Variants in CD276 observed in about 807,000 individuals in gnomAD.
CD276 encodes the protein CD276 molecule.
In CD276, 34 loss-of-function variants were observed where a neutral mutation model predicts 50.0. The observed-to-expected ratio is 0.68, with a 90% CI of 0.52 to 0.91. The LOEUF is 0.91. CD276 is among the 40% of genes least tolerant of loss of function. The probability of loss-of-function intolerance (pLI) is 0.00; values close to 1 mark genes in which losing one functional copy is unlikely to be tolerated. For missense variants in CD276, 634 were observed against 717.5 expected, an observed-to-expected ratio of 0.88 and a Z score of 1.33; for synonymous variants, 275 against 313.0, an observed-to-expected ratio of 0.88 and a Z score of 1.28.
intron 1 of CD276, among the ~76,000 whole-genome samples, chr15:73,694,230 C>T (rs1338723864): frequency 6.6e-6 from 1 of 152,186 alleles, no homozygotes; most frequent in Non-Finnish European, 1.5e-5. Flanking sequence ...CTCTTGACAC[C>T]TTCAGCCCCT....
chr15:73,692,981 T>C (rs1178699787), intron 1 of CD276, among the ~76,000 whole-genome samples: 1 of 152,238 alleles, frequency 6.6e-6, no homozygotes, highest in Non-Finnish European at 1.5e-5. Flanking sequence ...CTTTTCTTGT[T>C]CTTCTCCAGT....
At chr15:73,691,229 G>GAA (rs112815802) in intron 1 of CD276, among the ~76,000 whole-genome samples, 4 of 139,984 alleles carry the variant, frequency 2.9e-5, no homozygotes, top group East Asian at 2.1e-4. Flanking sequence ...GCACATTTAA[G>GAA]AAAAAAAAAA....
At chr15:73,696,343 C>T (rs954073814) in intron 1 of CD276, among the ~76,000 whole-genome samples, 8 of 152,140 alleles carry the variant, frequency 5.3e-5, no homozygotes, top group Admixed American at 2.6e-4. Flanking sequence ...CCCGGGCCGA[C>T]CAGCTCTGTG....
chr15:73,689,743 C>T (rs1273084148), intron 1 of CD276, among the ~76,000 whole-genome samples: 1 of 152,154 alleles, frequency 6.6e-6, no homozygotes, highest in Admixed American at 6.5e-5. Flanking sequence ...TCTCCAACTC[C>T]AAAGTCATCT....
chr15:73,703,158 T>A (rs1042716842), intron 4 of CD276, 72 bp downstream of exon 4: 11 of 1,485,562 alleles, frequency 7.4e-6, no homozygotes, highest in African/African-American at 4.2e-5. Flanking sequence ...GAGCTCCGAA[T>A]CTGGCCCCAC....
In CD276 at chr15:73,706,256, TAAATA is replaced by T. The variant is rs763622290; in HGVS notation, c.1369+1793_1369+1797del. 4.6e-5 allele frequency among the ~76,000 whole-genome samples: 7 copies of T among 152,082 alleles called. No homozygotes were observed. In the East Asian group the frequency reaches 9.7e-4, roughly 21 times the overall value. On this transcript the variant is annotated intron_variant, in intron 6 of 9. Transcript: ENST00000318443. Reference sequence around the variant, plus strand: ...CAGAGCAAGACACTGTCTCAAAAAATAAATAAAATAAAAATAAAGTGATTTCATTG... The same window carrying T: ...CAGAGCAAGACACTGTCTCAAAAAATAAATAAAAATAAAGTGATTTCATTG...
Position 73,702,563 on chromosome 15 carries a change from G to C in CD276, c.388G>C (p.Gly130Arg). Reference sequence around the variant, plus strand: ...CTGCTTCGTGAGCATCCGGGATTTCGGCAGCGCTGCCGTCAGCCTGCAGGT... The same window carrying C: ...CTGCTTCGTGAGCATCCGGGATTTCCGCAGCGCTGCCGTCAGCCTGCAGGT... The part of the protein sequence containing the change: ...FTCFVSIRDF[G>R]SAAVSLQVAA... Residue 130 changes from glycine (G) to arginine (R), a missense_variant, in exon 3 of 10, where the codon GGC becomes CGC. By Grantham distance (125) the Gly-to-Arg change is moderately radical (BLOSUM62 -2). Transcript: ENST00000318443. 1 of 1,610,062 alleles carries C rather than the reference G, an allele frequency of 6.2e-7. No homozygotes were observed. The highest frequency in any genetic ancestry group is 8.5e-7 in the Non-Finnish European group (1 of 1,179,284).
At chr15:73,710,870 G>A (rs1459063365) in intron 8 of CD276, among the ~76,000 whole-genome samples, 1 of 152,188 alleles carries the variant, frequency 6.6e-6, no homozygotes, top group East Asian at 1.9e-4. Context: ...TCCAGCTGGA[G>A]GTGGAGGGCT....
chr15:73,685,782 G>A lies in CD276; in HGVS notation c.-55+1322G>A, dbSNP rs570385088. Among the ~76,000 whole-genome samples the A allele has an allele frequency of 5.3e-5, 8 of 152,252 alleles. No individual in the cohort carries two copies. The South Asian group carries it at 1.7e-3, about 32-fold the overall frequency. On this transcript the variant is annotated intron_variant, in intron 1 of 9. Coordinates refer to ENST00000318443, the MANE Select transcript of CD276 (RefSeq NM_001024736.2). Reference sequence around the variant, plus strand: ...TTGTAGTGTGGGGGACTGCAAATAGGTGGGACAGTTTGAGGCTGAGGGGAA... The same window carrying A: ...TTGTAGTGTGGGGGACTGCAAATAGATGGGACAGTTTGAGGCTGAGGGGAA...
rs770849205 is a variant in CD276 at position 73,699,721 on chromosome 15, G to A, written c.79+3G>A. 1.3e-6 allele frequency: 2 copies of A among 1,593,728 alleles called. No homozygotes were observed. Among genetic ancestry groups the A allele is most frequent in the South Asian group, 1.1e-5 (1 of 88,430 alleles). ...AGCACTGTGGTTCTGCCTCACAGGTGAGGGTAGCAGCATGGGGACGGGAGG... is the reference window on the plus strand; with the variant it reads ...AGCACTGTGGTTCTGCCTCACAGGTAAGGGTAGCAGCATGGGGACGGGAGG... On this transcript the variant is annotated splice_donor_region_variant and intron_variant, in intron 2 of 9. Coordinates refer to ENST00000318443, the MANE Select transcript of CD276 (RefSeq NM_001024736.2).
At chr15:73,698,238 C>T (rs1347389286) in intron 1 of CD276, among the ~76,000 whole-genome samples, 2 of 152,244 alleles carry the variant, frequency 1.3e-5, no homozygotes, top group Non-Finnish European at 2.9e-5. Flanking sequence ...TCACTCAATA[C>T]AGATGTGTTA....
chr15:73,710,558 A>G (rs553109478), intron 8 of CD276, among the ~76,000 whole-genome samples: 36 of 152,212 alleles, frequency 2.4e-4, no homozygotes, highest in South Asian at 1.5e-3. Context: ...TTCCCTCCCC[A>G]CCCCCGCAGA....
At chr15:73,689,431 G>C (rs1899903235) in intron 1 of CD276, among the ~76,000 whole-genome samples, 1 of 152,090 alleles carries the variant, frequency 6.6e-6, no homozygotes, top group African/African-American at 2.4e-5. Context: ...CCAGTGGACA[G>C]CCTTGAACAT....
In CD276 at chr15:73,703,669, G is replaced by A; in HGVS notation, c.744G>A (p.Glu248=). The change falls in exon 5 of 10, where the codon GAG becomes GAA. Residue 248 remains glutamate (E), a synonymous_variant. Coordinates refer to ENST00000318443, the MANE Select transcript of CD276 (RefSeq NM_001024736.2). ...TGACCCCGCCCCCAGGAGCCGTGGA[G>A]GTCCAGGTCCCTGAGGACCCGGTGG... ...TPQRSPTGAV[E]VQVPEDPVVA... is the part of the protein sequence containing the mutation. 6.2e-7 allele frequency: 1 copy of A among 1,609,496 alleles called. No homozygotes were observed. Among genetic ancestry groups the A allele is most frequent in the Non-Finnish European group, 8.5e-7 (1 of 1,177,596 alleles).
chr15:73,706,376 C>T (rs989525047), intron 6 of CD276, among the ~76,000 whole-genome samples: 9 of 152,164 alleles, frequency 5.9e-5, no homozygotes, highest in Admixed American at 6.5e-5. Flanking sequence ...ACTGGCACAG[C>T]GGCTCTCAAT....
chr15:73,695,295 C>G (rs1900133756), intron 1 of CD276, among the ~76,000 whole-genome samples: 2 of 152,112 alleles, frequency 1.3e-5, no homozygotes, highest in South Asian at 4.1e-4. Context: ...TTCTAGAATT[C>G]CAGGGTGATC....
At chr15:73,686,341 G>C in intron 1 of CD276, 2 of 979,512 alleles carry the variant, frequency 2.0e-6, no homozygotes, top group Non-Finnish European at 2.4e-6. Flanking sequence ...CAGGTGAGAA[G>C]GGGTGTTGGA....
chr15:73,701,038 G>A (rs1282456121), intron 2 of CD276, among the ~76,000 whole-genome samples: 1 of 150,216 alleles, frequency 6.7e-6, no homozygotes, highest in Non-Finnish European at 1.5e-5. Flanking sequence ...TGAGTAGCTG[G>A]GATTACAGGT....
Position 73,702,349 on chromosome 15 carries a change from C to T in CD276, c.174C>T (p.Phe58=), listed in dbSNP as rs889384787. Residue 58 remains phenylalanine, a synonymous_variant, in exon 3 of 10, where the codon TTC becomes TTT. Coordinates refer to ENST00000318443, the MANE Select transcript of CD276 (RefSeq NM_001024736.2). ...GCTCCTTCTCCCCTGAGCCTGGCTT[C>T]AGCCTGGCACAGCTCAACCTCATCT... The part of the protein sequence containing the change: ...LCCSFSPEPG[F]SLAQLNLIWQ... 13 of 1,613,624 alleles carry T rather than the reference C, an allele frequency of 8.1e-6. No individual in the cohort carries two copies. Among genetic ancestry groups the T allele is most frequent in the East Asian group, 2.2e-5 (1 of 44,874 alleles).
Sources: gnomAD v4.1 joint callset for allele counts (sites outside exome capture counted in the v4.1 genomes callset) on GRCh38, gnomAD v4.1.1 for gene constraint, MANE v1.5 for transcripts, NCBI Gene and HGNC (gene_info 2026-07-23, HGNC 2026-07-21) for gene names.